The following SMC3 variants were observed in gnomAD, a reference collection of about 807,000 sequenced individuals.
SMC3 encodes the protein structural maintenance of chromosomes protein 3.
Under a neutral mutation model 171.8 loss-of-function variants are expected in SMC3, and 20 were observed. That is an observed-to-expected ratio of 0.12 (90% CI 0.08 to 0.17). SMC3 has a LOEUF of 0.17. Among genes scored for constraint, SMC3 ranks in the 10% least tolerant of loss-of-function variants. The pLI, the probability that SMC3 is intolerant of heterozygous loss-of-function variation, is 1.00. For synonymous variants in SMC3, 464 were observed against 451.1 expected, an observed-to-expected ratio of 1.03 and a Z score of -0.36; for missense variants, 543 against 1,420.4, an observed-to-expected ratio of 0.38 and a Z score of 9.93.
Position 110,600,509 on chromosome 10 carries a change from A to G in SMC3, c.2498A>G (p.Asn833Ser), listed in dbSNP as rs777828072. ...ATTACTCGAGTAGAGACTTATCTCA[A>G]TGAGAATCTGAGAAAACGCTTGGAC... ...GIITRVETYL[N>S]ENLRKRLDQV... The change falls in exon 22 of 29, where the codon AAT becomes AGT. Residue 833 changes from asparagine to serine, a missense_variant. By Grantham distance (46) the Asn-to-Ser change is conservative. Around this residue, in one of 8 missense-constraint regions of SMC3, gnomAD observed 33 missense variants for 33.6 expected, o/e 0.98. Transcript: ENST00000361804. 123 of 1,595,980 alleles carry G rather than the reference A, an allele frequency of 7.7e-5. No homozygotes were observed. The highest frequency in any genetic ancestry group is 9.7e-5 in the Non-Finnish European group (113 of 1,163,692).
At chr10:110,598,116 T>C in intron 19 of SMC3, 23 bp from the exon 20 acceptor site, 1 of 1,609,494 alleles carries the variant, frequency 6.2e-7, no homozygotes, top group Non-Finnish European at 8.5e-7. Context: ...AACCTGGAGA[T>C]AATTTTCCTT....
intron 7 of SMC3, among the ~76,000 whole-genome samples, chr10:110,580,024 TC>T (rs1861009110): frequency 6.6e-6 from 1 of 151,996 alleles, no homozygotes; most frequent in Non-Finnish European, 1.5e-5. Context: ...CAACCATGGA[TC>T]AAAAATATTT....
intron 28 of SMC3, among the ~76,000 whole-genome samples, chr10:110,603,831 C>G (rs1861424583): frequency 6.6e-6 from 1 of 152,154 alleles, no homozygotes; most frequent in African/African-American, 2.4e-5. Context: ...CGCAATGGCT[C>G]ATGCCTGTAA....
chr10:110,587,139 T>C (rs1313727778), intron 13 of SMC3, among the ~76,000 whole-genome samples: 2 of 152,232 alleles, frequency 1.3e-5, no homozygotes, highest in Non-Finnish European at 2.9e-5. Flanking sequence ...TTCTAACTTA[T>C]GTCAGTGGTA....
At chr10:110,579,354 A>T (rs1860998413) in intron 7 of SMC3, among the ~76,000 whole-genome samples, 1 of 152,196 alleles carries the variant, frequency 6.6e-6, no homozygotes, top group Admixed American at 6.5e-5. Flanking sequence ...AAAATGTGTT[A>T]CTGGAAGAAC....
Position 110,589,674 on chromosome 10 carries a change from A to C in SMC3, c.1375A>C (p.Lys459Gln). 2.5e-6 allele frequency: 4 copies of C among 1,609,110 alleles called. No individual in the cohort carries two copies. Among genetic ancestry groups the C allele is most frequent in the Non-Finnish European group, 3.4e-6 (4 of 1,176,026 alleles). Residue 459 changes from lysine (K) to glutamine (Q), a missense_variant, in exon 14 of 29, where the codon AAA becomes CAA. Lys to Gln is a moderately conservative substitution (Grantham distance 53). Around this residue, in one of 8 missense-constraint regions of SMC3, gnomAD observed 218 missense variants for 509.6 expected, o/e 0.43. Transcript: ENST00000361804. ...EELDRKYYEV[K>Q]NKKDELQSER... is the part of the protein sequence containing the mutation. ...ACTGGACAGAAAATATTACGAAGTA[A>C]AAAATAAGAAAGATGAACTACAAAG...
intron 6 of SMC3, 139 bp from the exon 7 acceptor site, chr10:110,578,489 G>C: frequency 1.5e-6 from 1 of 657,616 alleles, no homozygotes. Context: ...ATAAGAATCA[G>C]AAAGTTCTGA....
intron 9 of SMC3, 135 bp downstream of exon 9, chr10:110,582,233 C>A: frequency 2.4e-6 from 2 of 822,512 alleles, no homozygotes; most frequent in South Asian, 1.7e-5. Flanking sequence ...ATTTATTAGT[C>A]AGCAAGTTTT....
At chr10:110,600,912 GATGT>G (rs1861376455) in intron 22 of SMC3, 106 bp from the exon 23 acceptor site, 2 of 761,184 alleles carry the variant, frequency 2.6e-6, no homozygotes, top group African/African-American at 3.5e-5. Flanking sequence ...GTAATTATAT[GATGT>G]ATTTATATTT....
At chr10:110,591,960 G>A (rs1290468971) in intron 17 of SMC3, among the ~76,000 whole-genome samples, 1 of 152,068 alleles carries the variant, frequency 6.6e-6, no homozygotes, top group African/African-American at 2.4e-5. Flanking sequence ...CATTTACGCT[G>A]AGTAAACAAA....
intron 6 of SMC3, 106 bp downstream of exon 6, chr10:110,578,020 C>T: frequency 1.3e-6 from 1 of 757,990 alleles, no homozygotes; most frequent in Non-Finnish European, 2.3e-6. Flanking sequence ...TCAAATGATC[C>T]ACCTCGGCTT....
intron 3 of SMC3, among the ~76,000 whole-genome samples, chr10:110,574,207 A>G (rs1860914066): frequency 6.6e-6 from 1 of 152,214 alleles, no homozygotes; most frequent in Non-Finnish European, 1.5e-5. Context: ...CGTTTTCTAA[A>G]CCAATCATCT....
At chr10:110,590,081 A>G (rs1861182448) in intron 15 of SMC3, 90 bp downstream of exon 15, 2 of 1,104,552 alleles carry the variant, frequency 1.8e-6, no homozygotes, top group Non-Finnish European at 2.7e-6. Context: ...GGTGTAGGTC[A>G]TGGGTTCCAA....
intron 20 of SMC3, 85 bp from the exon 21 acceptor site, chr10:110,599,569 C>CA: frequency 8.2e-7 from 1 of 1,220,422 alleles, no homozygotes; most frequent in Non-Finnish European, 1.2e-6. Flanking sequence ...ATATTTAGCT[C>CA]AATCAAATAT....
intron 23 of SMC3, 46 bp from the exon 24 acceptor site, chr10:110,601,591 T>C (rs747870448): frequency 6.3e-7 from 1 of 1,584,702 alleles, no homozygotes; most frequent in Non-Finnish European, 8.6e-7. Flanking sequence ...CATATAACAC[T>C]GGCTTTATAG....
intron 13 of SMC3, among the ~76,000 whole-genome samples, chr10:110,589,015 C>G (rs1369115993): frequency 6.6e-6 from 1 of 151,930 alleles, no homozygotes; most frequent in Non-Finnish European, 1.5e-5. Context: ...AACAAATTAA[C>G]TTTTAGCAAC....
intron 8 of SMC3, among the ~76,000 whole-genome samples, chr10:110,581,707 T>C (rs919985975): frequency 7.9e-5 from 12 of 152,212 alleles, no homozygotes; most frequent in Non-Finnish European, 1.3e-4. Context: ...CTGCTCAAGG[T>C]CATTGCCAAG....
intron 5 of SMC3, 141 bp from the exon 6 acceptor site, chr10:110,577,694 G>T: frequency 1.4e-6 from 1 of 700,714 alleles, no homozygotes; most frequent in Non-Finnish European, 2.4e-6. Flanking sequence ...TAAGAGTATT[G>T]AGTATTTGTA....
intron 17 of SMC3, among the ~76,000 whole-genome samples, chr10:110,591,740 T>G (rs759404448): frequency 6.6e-6 from 1 of 152,188 alleles, no homozygotes; most frequent in Non-Finnish European, 1.5e-5. Flanking sequence ...ATCAACTGTT[T>G]TACCATCCTC....
Sources: gnomAD v4.1 joint callset for allele counts (sites outside exome capture counted in the v4.1 genomes callset) on GRCh38, gnomAD v4.1.1 for gene constraint, gnomAD v4.1.1 regional missense constraint, MANE v1.5 for transcripts, NCBI Gene and HGNC (gene_info 2026-07-23, HGNC 2026-07-21) for gene names.